Variants in ZFHX3 observed in about 807,000 individuals in gnomAD.
ZFHX3 encodes zinc finger homeobox 3.
In ZFHX3, 42 loss-of-function variants were observed where a neutral mutation model predicts 279.1. That is an observed-to-expected ratio of 0.15 (90% confidence interval 0.12 to 0.19). ZFHX3 has a LOEUF of 0.19. ZFHX3 is among the 10% of genes least tolerant of loss of function. The pLI is 1.00. For synonymous variants in ZFHX3, 2,293 were observed against 1,957.8 expected, an observed-to-expected ratio of 1.17 and a Z score of -4.52; for missense variants, 4,981 against 4,754.0, an observed-to-expected ratio of 1.05 and a Z score of -1.40.
intron 5 of ZFHX3, among the ~76,000 whole-genome samples, chr16:73,171,331 G>C (rs954464320): frequency 6.6e-6 from 1 of 152,126 alleles, no homozygotes; most frequent in Non-Finnish European, 1.5e-5. Context: ...TATCTTCAAG[G>C]AAACTGTAGG....
At chr16:73,582,475 T>A (rs1333693445) in intron 2 of ZFHX3, among the ~76,000 whole-genome samples, 1 of 151,732 alleles carries the variant, frequency 6.6e-6, no homozygotes, top group Non-Finnish European at 1.5e-5. Flanking sequence ...TAATGATAAC[T>A]ATTTATTTTT....
intron 5 of ZFHX3, among the ~76,000 whole-genome samples, chr16:73,216,506 G>C (rs1408306322): frequency 6.6e-6 from 1 of 152,292 alleles, no homozygotes; most frequent in Non-Finnish European, 1.5e-5. Flanking sequence ...CCAAAGTCAA[G>C]AGTCAACTCA....
chr16:73,269,772 G>A (rs111559743), intron 4 of ZFHX3, among the ~76,000 whole-genome samples: 15,128 of 150,240 alleles, frequency 0.1, 1,186 homozygotes, highest in African/African-American at 0.22. Flanking sequence ...TTTTTGAGAC[G>A]GAGTCTCACT....
intron 1 of ZFHX3, among the ~76,000 whole-genome samples, chr16:73,793,756 G>T (rs1471543769): frequency 2.6e-5 from 4 of 152,170 alleles, no homozygotes; most frequent in Non-Finnish European, 4.4e-5. Context: ...ATAAGAGGAG[G>T]AGGAGTCCCG....
intron 5 of ZFHX3, among the ~76,000 whole-genome samples, chr16:73,216,199 C>T (rs1027347833): frequency 6.6e-6 from 1 of 152,212 alleles, no homozygotes; most frequent in Non-Finnish European, 1.5e-5. Context: ...GTGGCAGTCG[C>T]TGACAGATAC....
intron 5 of ZFHX3, among the ~76,000 whole-genome samples, chr16:72,820,901 T>C (rs1805487282): frequency 6.6e-6 from 1 of 152,134 alleles, no homozygotes; most frequent in Non-Finnish European, 1.5e-5. Context: ...CGGCCAAAGT[T>C]AATTAACAGA....
chr16:73,594,938 C>CT, intron 2 of ZFHX3, among the ~76,000 whole-genome samples: 1 of 152,236 alleles, frequency 6.6e-6, no homozygotes, highest in East Asian at 1.9e-4. Context: ...AGCCAGTGTT[C>CT]TTATAACTCA....
intron 1 of ZFHX3, among the ~76,000 whole-genome samples, chr16:73,017,413 T>C (rs74913256): frequency 1.8e-3 from 272 of 152,144 alleles, no homozygotes; most frequent in Non-Finnish European, 3.3e-3. Context: ...GAGGAATACT[T>C]GAAAGGTATA....
intron 2 of ZFHX3, among the ~76,000 whole-genome samples, chr16:73,497,873 A>G (rs1257844982): frequency 6.6e-6 from 1 of 152,224 alleles, no homozygotes; most frequent in East Asian, 1.9e-4. Flanking sequence ...TTAGAAAACA[A>G]AAAGTTGAAT....
intron 1 of ZFHX3, among the ~76,000 whole-genome samples, chr16:73,872,137 G>A (rs1400332182): frequency 2.6e-5 from 4 of 152,086 alleles, no homozygotes; most frequent in African/African-American, 7.2e-5. Flanking sequence ...TAGGCATTCC[G>A]CAATTGGTTC....
chr16:73,787,608 T>A (rs753016171), intron 1 of ZFHX3, among the ~76,000 whole-genome samples: 15 of 152,140 alleles, frequency 9.9e-5, no homozygotes, highest in Non-Finnish European at 1.8e-4. Flanking sequence ...TGAAGGGAAA[T>A]AAGTTTCATG....
At chr16:73,613,367 A>G (rs1445269982) in intron 2 of ZFHX3, among the ~76,000 whole-genome samples, 7 of 152,180 alleles carry the variant, frequency 4.6e-5, no homozygotes, top group Non-Finnish European at 8.8e-5. Context: ...ATAAAGTAAC[A>G]AAGCAAAAAA....
intron 2 of ZFHX3, among the ~76,000 whole-genome samples, chr16:73,564,588 G>A (rs921916125): frequency 6.6e-6 from 1 of 152,092 alleles, no homozygotes. Flanking sequence ...ACCCCAGCCA[G>A]AGCAAACTCT....
intron 5 of ZFHX3, among the ~76,000 whole-genome samples, chr16:73,221,903 G>A (rs915722007): frequency 1.3e-5 from 2 of 151,796 alleles, no homozygotes; most frequent in African/African-American, 4.8e-5. Flanking sequence ...TTCACAACAT[G>A]GCTGCACAAT....
intron 8 of ZFHX3, among the ~76,000 whole-genome samples, chr16:73,077,758 T>C (rs985689672): frequency 6.6e-6 from 1 of 152,166 alleles, no homozygotes; most frequent in African/African-American, 2.4e-5. Flanking sequence ...CAGAGTAAAT[T>C]TGCCGATCGT....
intron 5 of ZFHX3, among the ~76,000 whole-genome samples, chr16:73,238,755 G>A (rs950046759): frequency 2.6e-5 from 4 of 151,864 alleles, no homozygotes; most frequent in Admixed American, 6.6e-5. Flanking sequence ...CTTCTAACTC[G>A]TCCATTGCCC....
chr16:73,202,854 C>T (rs1265358262), intron 5 of ZFHX3, among the ~76,000 whole-genome samples: 2 of 151,926 alleles, frequency 1.3e-5, no homozygotes, highest in African/African-American at 2.4e-5. Flanking sequence ...CCCCAGCCCT[C>T]CTGCACACTC....
At chr16:73,226,991 G>A (rs976608961) in intron 5 of ZFHX3, among the ~76,000 whole-genome samples, 4 of 152,178 alleles carry the variant, frequency 2.6e-5, no homozygotes, top group Non-Finnish European at 5.9e-5. Flanking sequence ...TATGGTATTA[G>A]ATATTATTTC....
rs146607776 is a variant in ZFHX3, at chr16:72,957,577, C to T, written c.2569G>A (p.Ala857Thr). 31 of 1,613,936 alleles carry T rather than the reference C, an allele frequency of 1.9e-5. No individual in the cohort carries two copies. The highest frequency in any genetic ancestry group is 1.2e-4 in the Admixed American group (7 of 59,984). ...HLGLGSLPSPAEAELYQYYLA... is the reference protein window; with the variant it reads ...HLGLGSLPSPTEAELYQYYLA... ...TAGTATTGGTAGAGCTCGGCCTCGG[C>T]GGGTGAGGGCAGGCTGCCGAGGCCC... The change falls in exon 2 of 10, where the codon GCC becomes ACC. Residue 857 changes from alanine (A) to threonine (T), a missense_variant. Physicochemically the swap from Ala to Thr is moderately conservative, Grantham distance 58 (BLOSUM62 0). Coordinates refer to ENST00000268489, the MANE Select transcript of ZFHX3 (RefSeq NM_006885.4).
Sources: allele counts gnomAD v4.1 joint callset (sites outside exome capture counted in the v4.1 genomes callset), GRCh38; gene constraint gnomAD v4.1.1; transcripts MANE v1.5; gene names NCBI Gene and HGNC (gene_info 2026-07-23, HGNC 2026-07-21).